The following PDE5A variants were observed in gnomAD, a reference collection of about 807,000 sequenced individuals.
The protein encoded by PDE5A is cGMP-specific 3',5'-cyclic phosphodiesterase.
PDE5A carries 67 observed loss-of-function variants against 110.2 expected under a neutral mutation model. The ratio of observed to expected loss-of-function variants is 0.61; its 90% confidence interval spans 0.50 to 0.75. The LOEUF (loss-of-function observed/expected upper bound fraction) is 0.75. Among genes scored for constraint, PDE5A ranks in the 30% least tolerant of loss-of-function variants. The pLI is 0.00. For synonymous variants in PDE5A, 328 were observed against 351.2 expected (o/e 0.93, Z 0.74); for missense variants, 862 against 1,045.1 (o/e 0.82, Z 2.42).
chr4:119,543,352 A>T (rs1727015203), intron 9 of PDE5A: 1 of 152,112 alleles, frequency 6.6e-6, no homozygotes, highest in Non-Finnish European at 1.5e-5. Context: ...GACCTCACAG[A>T]GGTCACTTTG....
intron 10 of PDE5A, among the ~76,000 whole-genome samples, 173 bp downstream of exon 10, chr4:119,542,286 T>A (rs374826614): frequency 4.6e-5 from 7 of 152,158 alleles, no homozygotes; most frequent in Non-Finnish European, 1.0e-4. Context: ...ATATTCTGAG[T>A]CTTAGTTTCT....
chr4:119,556,139 T>G (rs1727530119), intron 7 of PDE5A, among the ~76,000 whole-genome samples: 1 of 152,168 alleles, frequency 6.6e-6, no homozygotes, highest in South Asian at 2.1e-4. Flanking sequence ...CAGTTGTCCT[T>G]CAATAATTCT....
intron 1 of PDE5A, among the ~76,000 whole-genome samples, chr4:119,607,732 G>A (rs1384629502): frequency 6.6e-6 from 1 of 151,654 alleles, no homozygotes; most frequent in Non-Finnish European, 1.5e-5. Flanking sequence ...GTGACAAAGT[G>A]AGACTCTCTC....
intron 2 of PDE5A, among the ~76,000 whole-genome samples, chr4:119,606,165 T>G (rs1236617160): frequency 1.3e-5 from 2 of 152,150 alleles, no homozygotes; most frequent in Non-Finnish European, 2.9e-5. Context: ...AGCAAAAATT[T>G]CCATTTTTTT....
intron 11 of PDE5A, among the ~76,000 whole-genome samples, chr4:119,531,545 G>C (rs1726542991): frequency 6.6e-6 from 1 of 152,106 alleles, no homozygotes; most frequent in Non-Finnish European, 1.5e-5. Flanking sequence ...CCAAAGTGTT[G>C]AGATTACAGG....
intron 1 of PDE5A, among the ~76,000 whole-genome samples, chr4:119,608,890 G>A (rs572182393): frequency 1.1e-4 from 16 of 152,222 alleles, no homozygotes; most frequent in African/African-American, 2.9e-4. Context: ...GGCCAGGCGC[G>A]GTGGCTCACG....
chr4:119,499,493 T>C (rs1294029844), intron 20 of PDE5A: 1 of 152,096 alleles, frequency 6.6e-6, no homozygotes, highest in East Asian at 1.9e-4. Context: ...GGTAATGGAT[T>C]GTAACTGGTT....
At chr4:119,556,017 C>T (rs1414501745) in intron 7 of PDE5A, among the ~76,000 whole-genome samples, 1 of 152,158 alleles carries the variant, frequency 6.6e-6, no homozygotes, top group African/African-American at 2.4e-5. Context: ...GACAAACTTA[C>T]ATAGGTTAGT....
At chr4:119,613,545 A>G (rs576282844) in intron 1 of PDE5A, among the ~76,000 whole-genome samples, 21 of 152,182 alleles carry the variant, frequency 1.4e-4, no homozygotes, top group Non-Finnish European at 2.9e-4. Context: ...TGTTTCTGGC[A>G]TATGAAGTTA....
chr4:119,539,561 C>T (rs752669684), intron 10 of PDE5A, among the ~76,000 whole-genome samples: 1 of 152,070 alleles, frequency 6.6e-6, no homozygotes, highest in African/African-American at 2.4e-5. Context: ...TCCCTTTACA[C>T]TCCTACAATT....
rs1045950695 is a variant in PDE5A, at chr4:119,562,759, G to A, written c.1131+74C>T. On this transcript the variant is annotated intron_variant, in intron 6 of 20. Coordinates refer to ENST00000354960, the MANE Select transcript of PDE5A (RefSeq NM_001083.4). ...AGAGAGGGTTCTAAGACCAAAATGA[G>A]GTTTAAAAGTAGTGCTTATAGAAAT... 6.2e-6 allele frequency: 8 copies of A among 1,282,502 alleles called. No homozygotes were observed. In the African/African-American group the frequency reaches 1.2e-4, roughly 20 times the overall value. The allele number at this position is 1,282,502 out of a possible 1,614,324, so 79.4% of individuals were successfully genotyped here. A position where few individuals can be genotyped will look rare whatever the true frequency, so the allele number is the denominator to read the frequency against.
At chr4:119,565,258 G>A (rs1474999086) in intron 5 of PDE5A, 63 bp downstream of exon 5, 27 of 1,110,314 alleles carry the variant, frequency 2.4e-5, no homozygotes, top group South Asian at 1.3e-5. Context: ...TACATTACTT[G>A]GATAAAAATG....
At chr4:119,508,914 G>A (rs1237008293) in intron 15 of PDE5A, among the ~76,000 whole-genome samples, 1 of 151,850 alleles carries the variant, frequency 6.6e-6, no homozygotes, top group African/African-American at 2.4e-5. Flanking sequence ...TATATATTAA[G>A]TAACAACATA....
chr4:119,579,146 C>G (rs1419351077), intron 3 of PDE5A, among the ~76,000 whole-genome samples: 2 of 152,124 alleles, frequency 1.3e-5, no homozygotes, highest in African/African-American at 2.4e-5. Flanking sequence ...GAGATACCAT[C>G]TCACACCAGT....
intron 12 of PDE5A, among the ~76,000 whole-genome samples, chr4:119,524,120 T>C (rs1245116538): frequency 1.3e-5 from 2 of 152,086 alleles, no homozygotes; most frequent in African/African-American, 4.8e-5. Context: ...TACACATGCA[T>C]ACAAATAGAT....
intron 11 of PDE5A, among the ~76,000 whole-genome samples, chr4:119,529,577 G>A (rs1726459497): frequency 6.6e-6 from 1 of 152,140 alleles, no homozygotes; most frequent in South Asian, 2.1e-4. Context: ...CAGTCCTGCA[G>A]CTTGCAGTTC....
rs1725316679 is a variant in PDE5A at position 119,501,257 on chromosome 4, AAAATAC to A, written c.2407-10_2407-5del. On this transcript the variant is annotated splice_region_variant and splice_polypyrimidine_tract_variant and intron_variant, in intron 19 of 20. Transcript: ENST00000354960. The stretch of plus-strand genomic sequence containing the variant: ...TCTTCTCCCTGTTCATTAGATCCTG[AAAATAC>A]AAATACAGACCAGACACACAGATGT... 1 of 1,569,328 alleles carries A rather than the reference AAAATAC, an allele frequency of 6.4e-7. No homozygotes were observed. Among genetic ancestry groups the A allele is most frequent in the Middle Eastern group, 1.7e-4 (1 of 5,978 alleles).
At position 119,599,674 on chromosome 4, in the gene PDE5A, A is replaced by G. The variant is rs370449124; in HGVS notation, c.742-3062T>C. Among the ~76,000 whole-genome samples the G allele has an allele frequency of 4.0e-5, 6 of 151,556 alleles. No homozygotes were observed. The East Asian group carries it at 5.8e-4, about 15-fold the overall frequency. ...AGAAAACAAACCATAAAACATTAAC[A>G]AAGTTTCAGTGTCTTTTAGGATACT... is the stretch of plus-strand genomic sequence containing the variant. On this transcript the variant is annotated intron_variant, in intron 2 of 20. Transcript: ENST00000354960.
intron 13 of PDE5A, among the ~76,000 whole-genome samples, chr4:119,520,699 GT>G (rs1321209639): frequency 6.6e-6 from 1 of 152,030 alleles, no homozygotes; most frequent in African/African-American, 2.4e-5. Context: ...GCAACATGAA[GT>G]TATTTTGAAG....
Sources: allele counts gnomAD v4.1 joint callset (sites outside exome capture counted in the v4.1 genomes callset), GRCh38; gene constraint gnomAD v4.1.1; transcripts MANE v1.5; gene names NCBI Gene and HGNC (gene_info 2026-07-23, HGNC 2026-07-21).